CCDC150: variants seen among roughly 807,000 people sequenced by gnomAD.
The protein encoded by CCDC150 is coiled-coil domain-containing protein 150.
In CCDC150, 151 loss-of-function variants were observed where a neutral mutation model predicts 156.5. The observed-to-expected ratio is 0.97, with a 90% CI of 0.85 to 1.10. CCDC150 has a LOEUF of 1.10. CCDC150 is among the 50% of genes least tolerant of loss of function. CCDC150 has a pLI of 0.00. For missense variants in CCDC150, 1,312 were observed against 1,268.1 expected (o/e 1.03, Z -0.53); for synonymous variants, 452 against 429.4 (o/e 1.05, Z -0.65).
chr2:196,645,869 A>G (rs1283748794), intron 1 of CCDC150, among the ~76,000 whole-genome samples: 1 of 152,212 alleles, frequency 6.6e-6, no homozygotes, highest in Admixed American at 6.5e-5. Flanking sequence ...TTGAATGGTA[A>G]TAATGTTATG....
intron 1 of CCDC150, among the ~76,000 whole-genome samples, chr2:196,644,331 T>G (rs764823843): frequency 5.9e-5 from 9 of 152,154 alleles, no homozygotes. Flanking sequence ...TATCTCTAGG[T>G]CAGTAGCTGG....
intron 13 of CCDC150, among the ~76,000 whole-genome samples, chr2:196,677,729 G>A (rs190952624): frequency 4.6e-4 from 70 of 152,292 alleles, no homozygotes; most frequent in Non-Finnish European, 8.7e-4. Context: ...GGTGGCTTGC[G>A]CCTGTAATCC....
Position 196,730,890 on chromosome 2 carries a change from A to C in CCDC150, c.3014A>C (p.Lys1005Thr), listed in dbSNP as rs1295993749. ...GAAGAAACTGTCAGACACCTGAAGA[A>C]ATGTAAAGAGGCAACAGAGAATACG... ...ELEETVRHLKKCKEATENTLK... is the reference protein window; with the variant it reads ...ELEETVRHLKTCKEATENTLK... The change falls in exon 26 of 28, where the codon AAA becomes ACA. Residue 1005 changes from lysine (K) to threonine (T), a missense_variant. Transcript: ENST00000389175. 6.2e-7 allele frequency: 1 copy of C among 1,601,386 alleles called. No individual in the cohort carries two copies. Among genetic ancestry groups the C allele is most frequent in the Admixed American group, 1.7e-5 (1 of 58,172 alleles).
chr2:196,651,385 T>C (rs1322376982), intron 2 of CCDC150, among the ~76,000 whole-genome samples: 2 of 152,212 alleles, frequency 1.3e-5, no homozygotes, highest in African/African-American at 2.4e-5. Context: ...TTTTTATGCT[T>C]TCTGATATTT....
chr2:196,721,361 T>TATACATATATAC (rs1553567365), intron 20 of CCDC150, among the ~76,000 whole-genome samples, 161 bp from the exon 21 acceptor site: 1 of 49,814 alleles, frequency 2.0e-5, no homozygotes, highest in Non-Finnish European at 4.7e-5. Flanking sequence ...TGCATATATA[T>TATACATATATAC]ATATATATTT....
chr2:196,653,546 C>T (rs562521764), intron 2 of CCDC150, among the ~76,000 whole-genome samples: 32 of 152,324 alleles, frequency 2.1e-4, no homozygotes, highest in Admixed American at 2.0e-4. Context: ...TCTGAGACCT[C>T]ATCAGCCTGT....
intron 15 of CCDC150, among the ~76,000 whole-genome samples, chr2:196,705,186 T>A (rs778422981): frequency 6.6e-6 from 1 of 152,148 alleles, no homozygotes; most frequent in Admixed American, 6.6e-5. Flanking sequence ...TAAAAGCATT[T>A]CTGTTTCTCC....
chr2:196,656,583 A>G (rs749459156), intron 2 of CCDC150, 50 bp from the exon 3 acceptor site: 34 of 1,280,864 alleles, frequency 2.7e-5, no homozygotes, highest in Non-Finnish European at 3.1e-5. Flanking sequence ...TGGGATTACC[A>G]TAGTAGAAAT....
At chr2:196,694,967 T>C (rs1264264693) in intron 13 of CCDC150, 79 bp from the exon 14 acceptor site, 4 of 731,810 alleles carry the variant, frequency 5.5e-6, no homozygotes, top group Non-Finnish European at 9.2e-6. Context: ...TTTACAGTTG[T>C]AATTGTCATT....
chr2:196,726,023 G>A lies in CCDC150; in HGVS notation c.2480G>A (p.Arg827His), dbSNP rs771148354. Residue 827 changes from arginine (R) to histidine (H), a missense_variant, in exon 22 of 28, where the codon CGC becomes CAC. By Grantham distance (29) the Arg-to-His change is conservative. Coordinates refer to ENST00000389175, the MANE Select transcript of CCDC150 (RefSeq NM_001080539.2). ...GTGGAAGCAGAATTGCATGCTGAAC[G>A]CATAGAAGCTCTAAGAAAGCAGTTT... ...SKVEAELHAE[R>H]IEALRKQFQT... The A allele has an allele frequency of 3.2e-5, 51 of 1,608,592 alleles. No individual in the cohort carries two copies. The highest frequency in any genetic ancestry group is 3.7e-5 in the Non-Finnish European group (43 of 1,177,408).
chr2:196,671,902 T>C (rs1422190328), intron 8 of CCDC150, among the ~76,000 whole-genome samples: 1 of 152,230 alleles, frequency 6.6e-6, no homozygotes, highest in Non-Finnish European at 1.5e-5. Context: ...TTCAGCTCCT[T>C]TGGGTAAATC....
intron 5 of CCDC150, 28 bp from the exon 6 acceptor site, chr2:196,665,539 C>T (rs756764544): frequency 7.3e-7 from 1 of 1,377,630 alleles, no homozygotes; most frequent in South Asian, 1.3e-5. Context: ...ATCAATTGGT[C>T]TTGCCTAACT....
intron 15 of CCDC150, among the ~76,000 whole-genome samples, chr2:196,701,799 T>C (rs1696230270): frequency 6.6e-6 from 1 of 152,170 alleles, no homozygotes; most frequent in African/African-American, 2.4e-5. Context: ...GATGGATGGA[T>C]AGAGGAAATG....
intron 17 of CCDC150, chr2:196,713,011 TATCTA>T: frequency 2.0e-6 from 1 of 494,826 alleles, no homozygotes; most frequent in Non-Finnish European, 3.6e-6. Context: ...GATATTTGTG[TATCTA>T]TACCCCTGGT....
chr2:196,657,038 T>C lies in CCDC150; in HGVS notation c.478T>C (p.Leu160=), dbSNP rs1693245446. The C allele has an allele frequency of 6.2e-7, 1 of 1,613,588 alleles. No individual in the cohort carries two copies. The highest frequency in any genetic ancestry group is 1.3e-5 in the African/African-American group (1 of 74,876). The change falls in exon 4 of 28, where the codon TTG becomes CTG. Residue 160 remains leucine (L), a synonymous_variant. Coordinates refer to ENST00000389175, the MANE Select transcript of CCDC150 (RefSeq NM_001080539.2). Reference sequence around the variant, plus strand: ...GCTGTTGCATCTCGAAGTTATGAATTTGCGCCAGCAACTGAGAGCTGTAAA... The same window carrying C: ...GCTGTTGCATCTCGAAGTTATGAATCTGCGCCAGCAACTGAGAGCTGTAAA... ...LKLLHLEVMN[L]RQQLRAVKEE...
chr2:196,700,288 G>A (rs562769087), intron 14 of CCDC150, among the ~76,000 whole-genome samples: 8 of 152,146 alleles, frequency 5.3e-5, no homozygotes, highest in Non-Finnish European at 1.0e-4. Flanking sequence ...AGTCACATTT[G>A]CTTTGTGTGC....
At chr2:196,670,709 A>G (rs923220887) in intron 8 of CCDC150, among the ~76,000 whole-genome samples, 1 of 152,148 alleles carries the variant, frequency 6.6e-6, no homozygotes, top group Admixed American at 6.6e-5. Flanking sequence ...AAAAATGTGT[A>G]TGTATAATAA....
intron 23 of CCDC150, 131 bp from the exon 24 acceptor site, chr2:196,729,662 G>A: frequency 1.4e-6 from 1 of 717,560 alleles, no homozygotes; most frequent in Non-Finnish European, 2.3e-6. Context: ...GGGCTAGATG[G>A]GAAAGAAAGC....
At chr2:196,657,346 G>A in intron 4 of CCDC150, 1 of 512,716 alleles carries the variant, frequency 2.0e-6, no homozygotes, top group African/African-American at 1.9e-5. Flanking sequence ...TTGATTATTT[G>A]TACAACCCTT....
Sources: gnomAD v4.1 joint callset for allele counts (sites outside exome capture counted in the v4.1 genomes callset) on GRCh38, gnomAD v4.1.1 for gene constraint, MANE v1.5 for transcripts, NCBI Gene and HGNC (gene_info 2026-07-23, HGNC 2026-07-21) for gene names.